DCC: variants seen among roughly 807,000 people sequenced by gnomAD.
The protein encoded by DCC is DCC netrin 1 receptor.
Under a neutral mutation model 172.5 loss-of-function variants are expected in DCC, and 58 were observed. The ratio of observed to expected loss-of-function variants is 0.34; its 90% CI spans 0.27 to 0.42. The LOEUF is 0.42. Ranked by LOEUF, DCC falls within the 10% of genes least tolerant of loss-of-function variation. The pLI, the probability that DCC is intolerant of heterozygous loss-of-function variation, is 1.00. For synonymous variants in DCC, 709 were observed against 644.5 expected, an observed-to-expected ratio of 1.10 and a Z score of -1.52; for missense variants, 1,740 against 1,791.0, an observed-to-expected ratio of 0.97 and a Z score of 0.51.
intron 12 of DCC, among the ~76,000 whole-genome samples, chr18:53,303,413 G>A (rs973543209): frequency 6.6e-6 from 1 of 152,110 alleles, no homozygotes; most frequent in African/African-American, 2.4e-5. Context: ...ATCTTCTTAT[G>A]TATTACTTTT....
chr18:52,558,736 A>G (rs1300139505), intron 1 of DCC, among the ~76,000 whole-genome samples: 2 of 152,184 alleles, frequency 1.3e-5, no homozygotes, highest in African/African-American at 2.4e-5. Context: ...CGAATTTTAA[A>G]TGAAAAATGA....
chr18:52,455,939 A>G (rs1988443869), intron 1 of DCC, among the ~76,000 whole-genome samples: 1 of 152,174 alleles, frequency 6.6e-6, no homozygotes, highest in Admixed American at 6.5e-5. Flanking sequence ...GTATCTCCAT[A>G]TGGTGACTTT....
chr18:53,279,755 TA>T (rs970608279), intron 12 of DCC, among the ~76,000 whole-genome samples: 1 of 151,142 alleles, frequency 6.6e-6, no homozygotes, highest in African/African-American at 2.4e-5. Flanking sequence ...TACACAATCA[TA>T]AAAAAGAATG....
At chr18:53,239,213 T>A (rs1483128625) in intron 12 of DCC, among the ~76,000 whole-genome samples, 114 of 131,002 alleles carry the variant, frequency 8.7e-4, no homozygotes, top group Admixed American at 2.3e-3. Context: ...AATAAATAAA[T>A]AAAAAATAAA....
intron 5 of DCC, among the ~76,000 whole-genome samples, chr18:53,046,380 A>G (rs1057222629): frequency 4.0e-5 from 6 of 151,844 alleles, no homozygotes; most frequent in Non-Finnish European, 8.8e-5. Flanking sequence ...TGAAAATTTT[A>G]TCTATTCTTT....
chr18:52,794,185 C>T (rs139688646), intron 2 of DCC, among the ~76,000 whole-genome samples: 171 of 152,008 alleles, frequency 1.1e-3, no homozygotes, highest in African/African-American at 3.4e-3. Flanking sequence ...CTCTTGAGAA[C>T]GTCGTTGGTA....
chr18:53,511,647 G>A (rs1042712918), intron 27 of DCC, among the ~76,000 whole-genome samples: 8 of 152,218 alleles, frequency 5.3e-5, no homozygotes, highest in Non-Finnish European at 1.2e-4. Context: ...GCGTCACTTG[G>A]GAAGCGCAAG....
chr18:52,869,839 G>GGCCAGAC (rs531736490), intron 2 of DCC, among the ~76,000 whole-genome samples: 3,162 of 152,298 alleles, frequency 0.021, 54 homozygotes, highest in Admixed American at 0.04. Flanking sequence ...AGCTAGGAGA[G>GGCCAGAC]GCCAGACGGA....
At chr18:53,202,754 C>T (rs1363434895) in intron 9 of DCC, among the ~76,000 whole-genome samples, 1 of 152,092 alleles carries the variant, frequency 6.6e-6, no homozygotes, top group Non-Finnish European at 1.5e-5. Context: ...GAGCTTGTGC[C>T]TCTGGATGTG....
At chr18:53,260,655 C>T (rs1263289484) in intron 12 of DCC, among the ~76,000 whole-genome samples, 3 of 152,116 alleles carry the variant, frequency 2.0e-5, no homozygotes, top group African/African-American at 7.2e-5. Context: ...GGGTCAGGGA[C>T]CCACTTGAGG....
chr18:52,610,066 C>A (rs1263957735), intron 1 of DCC, among the ~76,000 whole-genome samples: 3 of 143,748 alleles, frequency 2.1e-5, no homozygotes, highest in Admixed American at 7.0e-5. Flanking sequence ...GTAATCCCAA[C>A]ATTTTGGGAT....
chr18:53,316,219 C>T (rs1358937474), intron 13 of DCC, among the ~76,000 whole-genome samples: 1 of 152,082 alleles, frequency 6.6e-6, no homozygotes, highest in Non-Finnish European at 1.5e-5. Context: ...GAATCCTTTC[C>T]CCATTGCTTG....
At chr18:53,317,418 C>T (rs1290336489) in intron 13 of DCC, among the ~76,000 whole-genome samples, 1 of 152,146 alleles carries the variant, frequency 6.6e-6, no homozygotes, top group Non-Finnish European at 1.5e-5. Flanking sequence ...TGATGTTCAT[C>T]AGGGATATCG....
chr18:52,547,044 C>T (rs1468598867), intron 1 of DCC, among the ~76,000 whole-genome samples: 2 of 152,048 alleles, frequency 1.3e-5, no homozygotes, highest in South Asian at 4.1e-4. Context: ...TAACTAGTTG[C>T]CTTATGAGAA....
chr18:52,564,739 C>G (rs904999318), intron 1 of DCC, among the ~76,000 whole-genome samples: 2 of 151,618 alleles, frequency 1.3e-5, no homozygotes, highest in Non-Finnish European at 2.9e-5. Flanking sequence ...TAAAATTTAC[C>G]TGTATACAAA....
At chr18:52,699,225 A>G (rs2036064642) in intron 1 of DCC, among the ~76,000 whole-genome samples, 1 of 152,116 alleles carries the variant, frequency 6.6e-6, no homozygotes, top group Non-Finnish European at 1.5e-5. Flanking sequence ...GGCTAACTTT[A>G]TGACCGGGAG....
chr18:52,687,809 A>G (rs181404243), intron 1 of DCC, among the ~76,000 whole-genome samples: 284 of 152,204 alleles, frequency 1.9e-3, no homozygotes, highest in African/African-American at 6.6e-3. Context: ...GGTATTGTGG[A>G]TGGAACATGT....
intron 12 of DCC, among the ~76,000 whole-genome samples, chr18:53,255,127 T>C (rs1041007196): frequency 2.0e-5 from 3 of 152,048 alleles, no homozygotes; most frequent in East Asian, 3.9e-4. Context: ...CATTCACTTC[T>C]AGCTTCCTGG....
chr18:53,244,015 T>C (rs897429441), intron 12 of DCC, among the ~76,000 whole-genome samples: 1 of 152,098 alleles, frequency 6.6e-6, no homozygotes. Context: ...ATGAAAAATA[T>C]GAGTTTGCTT....
Sources: allele counts gnomAD v4.1 joint callset (sites outside exome capture counted in the v4.1 genomes callset), GRCh38; gene constraint gnomAD v4.1.1; transcripts MANE v1.5; gene names NCBI Gene and HGNC (gene_info 2026-07-23, HGNC 2026-07-21).